Variants in CTNND2 observed in about 807,000 individuals in gnomAD.
CTNND2 encodes catenin delta-2.
Under a neutral mutation model 144.4 loss-of-function variants are expected in CTNND2, and 22 were observed. That is an observed-to-expected ratio of 0.15 (90% CI 0.11 to 0.22). The LOEUF (loss-of-function observed/expected upper bound fraction) is 0.22, where lower values mean the gene tolerates loss of function less well. Among genes scored for constraint, CTNND2 ranks in the 10% least tolerant of loss-of-function variants. The pLI is 1.00. For missense variants in CTNND2, 1,353 were observed against 1,618.8 expected (o/e 0.84, Z 2.82); for synonymous variants, 751 against 695.6 (o/e 1.08, Z -1.25).
intron 2 of CTNND2, among the ~76,000 whole-genome samples, chr5:11,625,389 A>C (rs1581627238): frequency 1.0e-4 from 14 of 140,484 alleles, no homozygotes; most frequent in African/African-American, 1.3e-4. Context: ...AAACAGAAAA[A>C]TCTCTCTCTC....
At chr5:11,553,628 T>C (rs1259236746) in intron 3 of CTNND2, among the ~76,000 whole-genome samples, 2 of 152,146 alleles carry the variant, frequency 1.3e-5, no homozygotes, top group African/African-American at 4.8e-5. Context: ...CATAAAAACA[T>C]AACAATGAAA....
intron 9 of CTNND2, among the ~76,000 whole-genome samples, chr5:11,239,360 C>T (rs987471464): frequency 6.6e-6 from 1 of 152,210 alleles, no homozygotes; most frequent in African/African-American, 2.4e-5. Context: ...GGATCCACGT[C>T]CCTCACACTA....
intron 12 of CTNND2, among the ~76,000 whole-genome samples, chr5:11,125,909 C>A (rs1754626657): frequency 6.6e-6 from 1 of 152,170 alleles, no homozygotes; most frequent in East Asian, 1.9e-4. Flanking sequence ...TTTACCATAA[C>A]AATTCCTCAG....
In CTNND2 at chr5:11,904,196, G is replaced by C. The variant is rs1480778145; in HGVS notation, c.-343C>G. Among the ~76,000 whole-genome samples, 2 of 145,440 alleles carry C rather than the reference G, an allele frequency of 1.4e-5. No individual in the cohort carries two copies. Among genetic ancestry groups the C allele is most frequent in the South Asian group, 2.1e-4 (1 of 4,736 alleles). The stretch of plus-strand genomic sequence containing the variant: ...GGCTGAGAGAGCAGCCGCCGCGCCC[G>C]CAGCTCCGCTCAGCCGGCTGTCGCC... On this transcript the variant is annotated 5_prime_UTR_variant, in exon 1 of 22. Transcript: ENST00000304623. This position sits in a 1 kb window ranked among gnomAD's most constrained non-coding sequence, Gnocchi z 4.2.
intron 2 of CTNND2, among the ~76,000 whole-genome samples, chr5:11,715,939 G>T (rs756154515): frequency 2.0e-5 from 3 of 152,212 alleles, no homozygotes; most frequent in Non-Finnish European, 2.9e-5. Flanking sequence ...TTACAGGGCA[G>T]AAAACAAGGC....
chr5:11,902,300 T>C (rs1032024435), intron 1 of CTNND2, among the ~76,000 whole-genome samples: 3 of 152,164 alleles, frequency 2.0e-5, no homozygotes, highest in Non-Finnish European at 4.4e-5. Flanking sequence ...AAGCATCTAG[T>C]TCGTATTTGA....
Position 11,691,521 on chromosome 5 carries a change from A to G in CTNND2, c.174+40615T>C, listed in dbSNP as rs1340513126. ...TATACAAGTACTCAACCAAAGCATC[A>G]ACTTTTTGAAAAATCAGTTTCATCT... is the stretch of plus-strand genomic sequence containing the variant. On this transcript the variant is annotated intron_variant, in intron 2 of 21. Coordinates refer to ENST00000304623, the MANE Select transcript of CTNND2 (RefSeq NM_001332.4). Among the ~76,000 whole-genome samples, 3 of 152,098 alleles carry G rather than the reference A, an allele frequency of 2.0e-5. No homozygotes were observed. In the East Asian group the frequency reaches 5.8e-4, roughly 29 times the overall value.
At chr5:11,451,903 T>C (rs765738512) in intron 3 of CTNND2, among the ~76,000 whole-genome samples, 3 of 152,212 alleles carry the variant, frequency 2.0e-5, no homozygotes, top group Non-Finnish European at 4.4e-5. Flanking sequence ...GCATCATCCT[T>C]TACTTGTTTA....
chr5:11,382,595 CTGTGTGTGTGTGTGTGTGTG>C lies in CTNND2; in HGVS notation c.1177+2050_1177+2069del, dbSNP rs71582432. ...CCTGGGCAACCGACAGAGTGAGACTCTGTGTGTGTGTGTGTGTGTGTGTGTGTGTGTGTGTGTGTGTGTGT... is the reference window on the plus strand; with the variant it reads ...CCTGGGCAACCGACAGAGTGAGACTCTGTGTGTGTGTGTGTGTGTGTGTGT... On this transcript the variant is annotated intron_variant, in intron 7 of 21. Transcript: ENST00000304623. 2.7e-4 allele frequency among the ~76,000 whole-genome samples: 35 copies of C among 130,232 alleles called. No individual in the cohort carries two copies. In the East Asian group the frequency reaches 3.5e-3, roughly 13 times the overall value. 85.4% of individuals were successfully genotyped at this position (130,232 alleles called of 152,430 possible).
intron 9 of CTNND2, among the ~76,000 whole-genome samples, chr5:11,264,071 T>C (rs974982649): frequency 3.3e-5 from 5 of 152,258 alleles, no homozygotes; most frequent in Non-Finnish European, 5.9e-5. Context: ...TGATAAGTCT[T>C]TATTCTTAGT....
chr5:11,592,645 T>C (rs1350112480), intron 2 of CTNND2, among the ~76,000 whole-genome samples: 1 of 149,336 alleles, frequency 6.7e-6, no homozygotes, highest in Non-Finnish European at 1.5e-5. Context: ...AGACCAGAAA[T>C]AGTGGGGGAA....
chr5:11,285,145 T>C (rs1170392976), intron 9 of CTNND2, among the ~76,000 whole-genome samples: 5 of 152,178 alleles, frequency 3.3e-5, no homozygotes, highest in African/African-American at 1.2e-4. Flanking sequence ...TTCACAATAC[T>C]CCAGGTTATA....
intron 10 of CTNND2, among the ~76,000 whole-genome samples, chr5:11,201,731 C>T (rs149194840): frequency 3.3e-5 from 5 of 152,094 alleles, no homozygotes; most frequent in Non-Finnish European, 5.9e-5. Flanking sequence ...GTTATGGTTG[C>T]CCAGCCTGAG....
At chr5:11,247,016 G>A (rs2149922624) in intron 9 of CTNND2, among the ~76,000 whole-genome samples, 1 of 152,320 alleles carries the variant, frequency 6.6e-6, no homozygotes, top group Admixed American at 6.5e-5. Flanking sequence ...GCTGGGATCT[G>A]ACTCACATTC....
chr5:11,285,382 C>G (rs1199987709), intron 9 of CTNND2, among the ~76,000 whole-genome samples: 1 of 152,202 alleles, frequency 6.6e-6, no homozygotes, highest in Non-Finnish European at 1.5e-5. Flanking sequence ...GCTGCTTTAA[C>G]TACTGTCCAG....
chr5:11,872,235 A>G (rs1454353631), intron 1 of CTNND2, among the ~76,000 whole-genome samples: 1 of 152,192 alleles, frequency 6.6e-6, no homozygotes, highest in African/African-American at 2.4e-5. Context: ...ATGGCTGTAT[A>G]GTATTCCATG....
At chr5:11,380,665 G>T (rs1017868967) in intron 7 of CTNND2, among the ~76,000 whole-genome samples, 1 of 152,208 alleles carries the variant, frequency 6.6e-6, no homozygotes, top group Non-Finnish European at 1.5e-5. Flanking sequence ...TCTGTAGGTT[G>T]AATCTGAATT....
intron 9 of CTNND2, 25 bp from the exon 10 acceptor site, chr5:11,236,848 A>C: frequency 3.1e-6 from 5 of 1,613,442 alleles, no homozygotes; most frequent in Non-Finnish European, 4.2e-6. Flanking sequence ...AGAAGCGGGG[A>C]GAATATGAGA....
intron 1 of CTNND2, among the ~76,000 whole-genome samples, chr5:11,845,816 A>AT (rs1183818827): frequency 1.3e-5 from 2 of 152,186 alleles, no homozygotes; most frequent in Non-Finnish European, 2.9e-5. Context: ...CTAAGAAAGG[A>AT]TTTTTTCAAG....
Sources: gnomAD v4.1 joint callset for allele counts (sites outside exome capture counted in the v4.1 genomes callset) on GRCh38, gnomAD v4.1.1 for gene constraint, Gnocchi (gnomAD v3.1) non-coding constraint, MANE v1.5 for transcripts, NCBI Gene and HGNC (gene_info 2026-07-23, HGNC 2026-07-21) for gene names.